Variants in SIX5 observed in about 807,000 individuals in gnomAD.
SIX5 encodes the protein SIX homeobox 5, also known as homeobox protein SIX5.
In SIX5, 21 loss-of-function variants were observed where a neutral mutation model predicts 37.1. The ratio of observed to expected loss-of-function variants is 0.57; its 90% CI spans 0.40 to 0.81. The LOEUF (loss-of-function observed/expected upper bound fraction) is 0.81, where lower values mean the gene tolerates loss of function less well. Ranked by LOEUF, SIX5 falls within the 40% of genes least tolerant of loss-of-function variation. The pLI, the probability that SIX5 is intolerant of heterozygous loss-of-function variation, is 0.00. For missense variants in SIX5, 1,137 were observed against 1,025.1 expected (o/e 1.11, Z -1.49); for synonymous variants, 626 against 505.9 (o/e 1.24, Z -3.19).
Position 45,766,691 on chromosome 19 carries a change from C to T in SIX5, c.1268G>A (p.Gly423Glu), listed in dbSNP as rs2146206808. ...GCCAGGCACCACTTGGGCCAGGGGC[C>T]CCAGGACCTCCTCTCCAAGGGCTGG... Reference protein sequence around the residue: ...PGPALGEEVLGPLAQVVPGPP... With the variant: ...PGPALGEEVLEPLAQVVPGPP... The change falls in exon 2 of 3, where the codon GGG (glycine) becomes GAG (glutamate). Residue 423 changes from glycine to glutamate, a missense_variant. Coordinates refer to ENST00000317578, the MANE Select transcript of SIX5 (RefSeq NM_175875.5). The T allele has an allele frequency of 6.6e-7, 1 of 1,525,626 alleles. No individual in the cohort carries two copies. Among genetic ancestry groups the T allele is most frequent in the Admixed American group, 2.1e-5 (1 of 47,372 alleles). The allele number at this position is 1,525,626 out of a possible 1,614,324, so 94.5% of individuals were successfully genotyped here. A position where few individuals can be genotyped will look rare whatever the true frequency, so the allele number is the denominator to read the frequency against.
In SIX5 at chr19:45,765,295, C is replaced by A. The variant is rs1969045567; in HGVS notation, c.*206G>T. On this transcript the variant is annotated 3_prime_UTR_variant, in exon 3 of 3. Coordinates refer to ENST00000317578, the MANE Select transcript of SIX5 (RefSeq NM_175875.5). ...CATGGGGAGGGCTGTAACAGAGAGG[C>A]CTCCCATCCAAAGGGGGATGGAGAC... 3 of 711,058 alleles carry A rather than the reference C, an allele frequency of 4.2e-6. No homozygotes were observed. Among genetic ancestry groups the A allele is most frequent in the Non-Finnish European group, 4.9e-6 (2 of 404,380 alleles). The allele number at this position is 711,058 out of a possible 1,614,324, so 44.0% of individuals were successfully genotyped here. A position where few individuals can be genotyped will look rare whatever the true frequency, so the allele number is the denominator to read the frequency against.
At chr19:45,766,134 C>T (rs376088749) in intron 2 of SIX5, 23 bp from the exon 3 acceptor site, 18 of 1,605,410 alleles carry the variant, frequency 1.1e-5, no homozygotes, top group African/African-American at 4.0e-5. Context: ...AGGGACCGAG[C>T]GCAGGTGAGA....
chr19:45,767,213 G>A (rs1001089151), intron 1 of SIX5, 58 bp from the exon 2 acceptor site: 10 of 1,547,106 alleles, frequency 6.5e-6, no homozygotes, highest in African/African-American at 5.5e-5. Flanking sequence ...CTCCCGCATA[G>A]CCAGCCAGCT....
In SIX5 at chr19:45,766,589, G is replaced by A; in HGVS notation, c.1370C>T (p.Ser457Phe). The A allele has an allele frequency of 1.4e-6, 2 of 1,470,338 alleles. No homozygotes were observed. The highest frequency in any genetic ancestry group is 1.8e-6 in the Non-Finnish European group (2 of 1,106,058). 91.1% of individuals were successfully genotyped at this position (1,470,338 alleles called of 1,614,324 possible). A position where few individuals can be genotyped will look rare whatever the true frequency, so the allele number is the denominator to read the frequency against. ...AVAAPQVVPL[S>F]PPPGYPTGLS... ...GCCCGTGGGATACCCCGGGGGTGGG[G>A]AGAGCGGTACCACTTGTGGGGCAGC... Residue 457 changes from serine (S) to phenylalanine (F), a missense_variant, in exon 2 of 3, where the codon TCC (serine) becomes TTC (phenylalanine). This residue lies in a region of SIX5 where 787 missense variants were observed against 621.4 expected (regional missense o/e 1.27). Transcript: ENST00000317578.
chr19:45,765,418 C>A lies in SIX5; in HGVS notation c.*83G>T. On this transcript the variant is annotated 3_prime_UTR_variant, in exon 3 of 3. Coordinates refer to ENST00000317578, the MANE Select transcript of SIX5 (RefSeq NM_175875.5). Reference sequence around the variant, plus strand: ...TGTGGTGACTGGGGTCTTCAGCAACCGCATTTCTGGGGCTCCCCCCTCCCA... The same window carrying A: ...TGTGGTGACTGGGGTCTTCAGCAACAGCATTTCTGGGGCTCCCCCCTCCCA... 6.3e-7 allele frequency: 1 copy of A among 1,598,624 alleles called. No homozygotes were observed.
In SIX5 at chr19:45,768,864, T is replaced by C; in HGVS notation, c.-20A>G. ...AGCCATGTTTTGCAACTTTGGGAAG[T>C]TCCTCCCTCCCTCTCTTCCTCCCTC... On this transcript the variant is annotated 5_prime_UTR_variant, in exon 1 of 3. Transcript: ENST00000317578. 6.6e-7 allele frequency: 1 copy of C among 1,513,400 alleles called. No individual in the cohort carries two copies. The allele number at this position is 1,513,400 out of a possible 1,614,324, so 93.7% of individuals were successfully genotyped here.
At chr19:45,766,280 C>T (rs1969072039) in intron 2 of SIX5, 70 bp downstream of exon 2, 1 of 1,505,230 alleles carries the variant, frequency 6.6e-7, no homozygotes, top group South Asian at 1.2e-5. Context: ...AGGGACAGCC[C>T]CTCCCTCTCC....
chr19:45,766,312 G>A (rs781143085), intron 2 of SIX5, 38 bp downstream of exon 2: 16 of 1,537,620 alleles, frequency 1.0e-5, no homozygotes, highest in African/African-American at 5.5e-5. Context: ...ACCCCTCCCC[G>A]GCTCTCACCT....
chr19:45,767,957 GCCCCA>G, intron 1 of SIX5, 80 bp downstream of exon 1: 1 of 1,374,950 alleles, frequency 7.3e-7, no homozygotes, highest in Non-Finnish European at 9.8e-7. Context: ...CGGCGCGCCG[GCCCCA>G]GCAGTGGGCA....
In SIX5 at chr19:45,766,502, G is replaced by C; in HGVS notation, c.1457C>G (p.Thr486Ser). 1 of 1,511,738 alleles carries C rather than the reference G, an allele frequency of 6.6e-7. No homozygotes were observed. The highest frequency in any genetic ancestry group is 8.9e-7 in the Non-Finnish European group (1 of 1,123,688). The allele number at this position is 1,511,738 out of a possible 1,614,324, so 93.6% of individuals were successfully genotyped here. ...CAGGGGCCCCACAGCCTGGGGCAGGGTCACCACCTGTGAGGTGGGTACTAC... is the reference window on the plus strand; with the variant it reads ...CAGGGGCCCCACAGCCTGGGGCAGGCTCACCACCTGTGAGGTGGGTACTAC... Reference protein sequence around the residue: ...PQVVPTSQVVTLPQAVGPLQL... With the variant: ...PQVVPTSQVVSLPQAVGPLQL... The change falls in exon 2 of 3, where the codon ACC becomes AGC. Residue 486 changes from threonine to serine, a missense_variant. Around this residue, in one of 3 missense-constraint regions of SIX5, gnomAD observed 787 missense variants for 621.4 expected, o/e 1.27. Coordinates refer to ENST00000317578, the MANE Select transcript of SIX5 (RefSeq NM_175875.5).
chr19:45,768,424 C>T lies in SIX5; in HGVS notation c.421G>A (p.Ala141Thr), dbSNP rs749683401. Residue 141 changes from alanine to threonine, a missense_variant, in exon 1 of 3, where the codon GCC (alanine) becomes ACC (threonine). Ala to Thr is a moderately conservative substitution (Grantham distance 58). Around this residue, in one of 3 missense-constraint regions of SIX5, gnomAD observed 331 missense variants for 360.9 expected, o/e 0.92. Coordinates refer to ENST00000317578, the MANE Select transcript of SIX5 (RefSeq NM_175875.5). ...ALVAFQRGEY[A>T]ELYRLLESRP... The stretch of plus-strand genomic sequence containing the variant: ...CTCTCGAGTAGCCGGTAGAGCTCGG[C>T]GTACTCGCCCCGCTGGAAGGCCACC... 1.9e-6 allele frequency: 3 copies of T among 1,543,630 alleles called. No individual in the cohort carries two copies. The highest frequency in any genetic ancestry group is 1.7e-6 in the Non-Finnish European group (2 of 1,151,708).
At position 45,768,043 on chromosome 19, in the gene SIX5, T is replaced by C; in HGVS notation, c.802A>G (p.Ser268Gly). ...TGAGGGAPCK[S>G]ESDGNPTTED... is the part of the protein sequence containing the mutation. ...CTTGCGCCGCCCGAGGCCCCTCACC[T>C]CTTGCAGGGCGCGCCGCCTCCGGCC... The change falls in exon 1 of 3, where the codon AGC (serine) becomes GGC (glycine). Residue 268 changes from serine (S) to glycine (G), a missense_variant and splice_region_variant. By Grantham distance (56) the Ser-to-Gly change is moderately conservative. Transcript: ENST00000317578. 6.3e-7 allele frequency: 1 copy of C among 1,594,974 alleles called. No homozygotes were observed. The highest frequency in any genetic ancestry group is 8.5e-7 in the Non-Finnish European group (1 of 1,177,950).
chr19:45,766,289 C>T, intron 2 of SIX5, 61 bp downstream of exon 2: 1 of 1,515,740 alleles, frequency 6.6e-7, no homozygotes, highest in Non-Finnish European at 8.9e-7. Context: ...CCCTCCCTCT[C>T]CGAGATGACT....
chr19:45,767,740 C>T (rs1362320063), intron 1 of SIX5: 5 of 487,856 alleles, frequency 1.0e-5, no homozygotes, highest in Admixed American at 3.7e-5. Context: ...CAGGCCCTGT[C>T]CTTTTTCCTC....
In SIX5 at chr19:45,766,060, A is replaced by ACACCCGT. The variant is rs1310291303; in HGVS notation, c.1654_1660dup (p.Val554AspfsTer46). 19 of 1,611,894 alleles carry ACACCCGT rather than the reference A, an allele frequency of 1.2e-5. No individual in the cohort carries two copies. Among genetic ancestry groups the ACACCCGT allele is most frequent in the Non-Finnish European group, 1.6e-5 (19 of 1,179,244 alleles). ...GATGATCTTGCCCTGCTGCAGGGCC[A>ACACCCGT]CACCCGTCACGATGGGGCTGCCAGA... On this transcript the variant is annotated frameshift_variant, in exon 3 of 3. Coordinates refer to ENST00000317578, the MANE Select transcript of SIX5 (RefSeq NM_175875.5). LOFTEE classifies it high-confidence loss of function.
rs1183832970 is a variant in SIX5, at chr19:45,768,710, C to T, written c.135G>A (p.Glu45=). 1 of 1,393,428 alleles carries T rather than the reference C, an allele frequency of 7.2e-7. No homozygotes were observed. Among genetic ancestry groups the T allele is most frequent in the Non-Finnish European group, 9.3e-7 (1 of 1,078,800 alleles). The allele number at this position is 1,393,428 out of a possible 1,614,324, so 86.3% of individuals were successfully genotyped here. A position where few individuals can be genotyped will look rare whatever the true frequency, so the allele number is the denominator to read the frequency against. The change falls in exon 1 of 3, where the codon GAG becomes GAA. Residue 45 remains glutamate, a synonymous_variant. Transcript: ENST00000317578. The part of the protein sequence containing the change: ...LLQTLQAAEG[E]AAAAAGAGAG... Reference sequence around the variant, plus strand: ...CCCCGGCCCCGGCCGCCGCCGCCGCCTCACCCTCGGCCGCCTGCAAAGTCT... The same window carrying T: ...CCCCGGCCCCGGCCGCCGCCGCCGCTTCACCCTCGGCCGCCTGCAAAGTCT...
rs887594543 is a variant in SIX5, at chr19:45,765,020, C to T, written c.*481G>A. 25 of 211,558 alleles carry T rather than the reference C, an allele frequency of 1.2e-4. No homozygotes were observed. The highest frequency in any genetic ancestry group is 4.1e-3 in the Middle Eastern group (2 of 490). 13.1% of individuals were successfully genotyped at this position (211,558 alleles called of 1,614,324 possible). On this transcript the variant is annotated 3_prime_UTR_variant, in exon 3 of 3. Coordinates refer to ENST00000317578, the MANE Select transcript of SIX5 (RefSeq NM_175875.5). ...CCCCCGCCCCTGGCAGGAAATGCCA[C>T]ACTGGGGAGGGTCTCCAGTCTCAGG... is the stretch of plus-strand genomic sequence containing the variant.
Position 45,768,311 on chromosome 19 carries a change from G to C in SIX5, c.534C>G (p.Arg178=), listed in dbSNP as rs927005301. ...GATACTTGTCCACTGCGCCAAGCGC[G>C]CGGCCGCGGGCCCGCTCGGCCTCAT... is the stretch of plus-strand genomic sequence containing the variant. ...RYHEAERARG[R]ALGAVDKYRL... Residue 178 remains arginine, a synonymous_variant, in exon 1 of 3, where the codon CGC becomes CGG. Transcript: ENST00000317578. 1.2e-6 allele frequency: 2 copies of C among 1,609,096 alleles called. No individual in the cohort carries two copies. The highest frequency in any genetic ancestry group is 1.7e-6 in the Non-Finnish European group (2 of 1,178,316).
Position 45,765,952 on chromosome 19 carries a change from T to TCTGG in SIX5, c.1765_1768dup (p.Glu590AlafsTer9), listed in dbSNP as rs1969062807. On this transcript the variant is annotated frameshift_variant, in exon 3 of 3. Transcript: ENST00000317578. LOFTEE classifies it high-confidence loss of function. ...TCCCTCAGGCACGGAGATGGCCGTC[T>TCTGG]CTGGCTTCAGTGGCAGGGCCAGGCC... 1 of 1,598,562 alleles carries TCTGG rather than the reference T, an allele frequency of 6.3e-7. No individual in the cohort carries two copies. The highest frequency in any genetic ancestry group is 8.5e-7 in the Non-Finnish European group (1 of 1,172,182).
Sources: gnomAD v4.1 joint callset for allele counts on GRCh38, gnomAD v4.1.1 for gene constraint, gnomAD v4.1.1 regional missense constraint, MANE v1.5 for transcripts, NCBI Gene and HGNC (gene_info 2026-07-23, HGNC 2026-07-21) for gene names.